BTD: variants seen among roughly 807,000 people sequenced by gnomAD.
BTD encodes the protein biocytinase.
A neutral mutation model predicts 17.7 loss-of-function variants in BTD; 13 were observed. That is an observed-to-expected ratio of 0.74 (90% confidence interval 0.48 to 1.17). BTD has a LOEUF of 1.17. BTD is among the 50% of genes most tolerant of loss of function. The pLI, the probability that BTD is intolerant of heterozygous loss-of-function variation, is 0.00. For synonymous variants in BTD, 240 were observed against 245.2 expected, an observed-to-expected ratio of 0.98 and a Z score of 0.20; for missense variants, 674 against 650.4, an observed-to-expected ratio of 1.04 and a Z score of -0.39.
chr3:15,657,117 G>T (rs1439718706), downstream of BTD, among the ~76,000 whole-genome samples: 1 of 152,164 alleles, frequency 6.6e-6, no homozygotes, highest in Non-Finnish European at 1.5e-5. Context: ...GACATCTCAG[G>T]TTTCCCAGAC....
chr3:15,621,384 C>A (rs1293862273), intron 1 of BTD, among the ~76,000 whole-genome samples: 5 of 152,182 alleles, frequency 3.3e-5, no homozygotes, highest in Non-Finnish European at 7.3e-5. Flanking sequence ...CCCTCTGTTT[C>A]TGTCTTCTGG....
exon 4 of BTD, among the ~76,000 whole-genome samples, chr3:15,712,616 C>T (rs1280596664): frequency 6.6e-6 from 1 of 152,200 alleles, no homozygotes; most frequent in Non-Finnish European, 1.5e-5. Context: ...AAATTCACTA[C>T]CCTGTCACCC....
chr3:15,607,110 C>T (rs1327816835), intron 1 of BTD, among the ~76,000 whole-genome samples: 1 of 152,034 alleles, frequency 6.6e-6, no homozygotes, highest in Non-Finnish European at 1.5e-5. Flanking sequence ...CTCAGAGGCC[C>T]TCTGTGCATA....
exon 4 of BTD, chr3:15,712,240 G>C: frequency 6.5e-7 from 1 of 1,542,076 alleles, no homozygotes. Flanking sequence ...TAATAGAACA[G>C]GACAGTATCT....
At chr3:15,712,225 A>C in exon 4 of BTD, 1 of 1,572,454 alleles carries the variant, frequency 6.4e-7, no homozygotes, top group Non-Finnish European at 8.6e-7. Context: ...TGCCACGCCT[A>C]AAGTTAATAG....
intron 3 of BTD, among the ~76,000 whole-genome samples, chr3:15,691,103 A>C (rs977711189): frequency 5.9e-5 from 9 of 152,014 alleles, no homozygotes; most frequent in African/African-American, 2.2e-4. Context: ...GTAAGACTGA[A>C]GATTTGTCAG....
At chr3:15,640,337 C>T (rs774541282) in intron 2 of BTD, among the ~76,000 whole-genome samples, 5 of 151,772 alleles carry the variant, frequency 3.3e-5, no homozygotes, top group Non-Finnish European at 7.4e-5. Context: ...TAAATTATGG[C>T]GTCCTCTTAA....
At chr3:15,630,742 T>C (rs966363255) in intron 1 of BTD, among the ~76,000 whole-genome samples, 4 of 152,204 alleles carry the variant, frequency 2.6e-5, no homozygotes, top group Admixed American at 2.6e-4. Flanking sequence ...CATATTAGCT[T>C]GATAACTTAT....
At chr3:15,654,142 C>G (rs73817042), downstream of BTD, among the ~76,000 whole-genome samples, 5,622 of 152,242 alleles carry the variant, frequency 0.037, 278 homozygotes, top group African/African-American at 0.11. Flanking sequence ...TTTTATTTTT[C>G]CAAATGGCTA....
chr3:15,681,455 G>A (rs2067538009), intron 3 of BTD, among the ~76,000 whole-genome samples: 1 of 152,076 alleles, frequency 6.6e-6, no homozygotes, highest in Admixed American at 6.5e-5. Context: ...TCCAGAGCCA[G>A]GGTTTTAATT....
At chr3:15,694,678 G>T (rs1444734870) in intron 3 of BTD, 4 of 1,429,950 alleles carry the variant, frequency 2.8e-6, no homozygotes, top group East Asian at 4.5e-5. Flanking sequence ...AACACAAATA[G>T]GTTATTAGAT....
Position 15,616,641 on chromosome 3 carries a change from T to C in BTD, c.-17+14747T>C, listed in dbSNP as rs77667571. Among the ~76,000 whole-genome samples the C allele has an allele frequency of 6.6e-3, 1,000 of 152,174 alleles. 9 individuals carry two copies. The highest frequency in any genetic ancestry group is 0.023 in the African/African-American group (949 of 41,508). On this transcript the variant is annotated intron_variant, in intron 1 of 3. Transcript: ENST00000643237. The stretch of plus-strand genomic sequence containing the variant: ...TCAAAAAAAAAAAGTTTTGTTTTTT[T>C]CCTTTCACCAAACTAAGCATTTAGT...
At chr3:15,625,564 C>T (rs989833902) in intron 1 of BTD, among the ~76,000 whole-genome samples, 7 of 151,112 alleles carry the variant, frequency 4.6e-5, no homozygotes, top group Admixed American at 4.0e-4. Flanking sequence ...TTTGTTTTTT[C>T]TGTTTGTTTT....
intron 2 of BTD, among the ~76,000 whole-genome samples, chr3:15,641,216 G>A (rs561021260): frequency 6.6e-5 from 10 of 152,314 alleles, no homozygotes; most frequent in East Asian, 5.8e-4. Flanking sequence ...TCAGAGTCCC[G>A]AAGGGAGCCT....
rs189300919 is a variant in BTD, at chr3:15,708,962, C to T, written c.400-1098C>T. 6.6e-5 allele frequency among the ~76,000 whole-genome samples: 10 copies of T among 152,278 alleles called. No individual in the cohort carries two copies. The East Asian group carries it at 1.9e-3, about 29-fold the overall frequency. ...ACACACACAGTTTTGCTTATACTGTCATCTCTTTCAAACCAATTCCAACTG... is the reference window on the plus strand; with the variant it reads ...ACACACACAGTTTTGCTTATACTGTTATCTCTTTCAAACCAATTCCAACTG... On this transcript the variant is annotated intron_variant, in intron 3 of 3. Coordinates refer to the BTD transcript ENST00000672141.
chr3:15,702,248 T>C (rs2070728135), intron 3 of BTD, among the ~76,000 whole-genome samples: 3 of 152,218 alleles, frequency 2.0e-5, no homozygotes, highest in Non-Finnish European at 2.9e-5. Context: ...CACAAAGCTT[T>C]AGAACAGTGG....
At chr3:15,642,317 A>G in intron 3 of BTD, 1 of 1,357,422 alleles carries the variant, frequency 7.4e-7, no homozygotes, top group Admixed American at 3.0e-5. Context: ...AACCAAACCA[A>G]AAGTAAAAAA....
chr3:15,620,768 G>T (rs1376476242), intron 1 of BTD, among the ~76,000 whole-genome samples: 3 of 152,254 alleles, frequency 2.0e-5, no homozygotes, highest in Non-Finnish European at 4.4e-5. Context: ...AGCTCCAGCT[G>T]GTCCCTCCAT....
In BTD at chr3:15,635,653, A is replaced by G. The variant is rs781758639; in HGVS notation, c.214A>G (p.Ile72Val). Reference protein sequence around the residue: ...ALELMNQNLDIYEQQVMTAAQ... With the variant: ...ALELMNQNLDVYEQQVMTAAQ... ...GGAGCTCATGAACCAGAACCTTGAC[A>G]TCTATGAACAGCAAGTGATGACTGC... The change falls in exon 2 of 4, where the codon ATC becomes GTC. Residue 72 changes from isoleucine to valine, a missense_variant. Transcript: ENST00000643237. This position sits in a 1 kb window ranked among gnomAD's most constrained non-coding sequence, Gnocchi z 4.1. The G allele has an allele frequency of 3.1e-6, 5 of 1,614,224 alleles. No homozygotes were observed. Among genetic ancestry groups the G allele is most frequent in the Admixed American group, 1.7e-5 (1 of 60,018 alleles).
Sources: allele counts gnomAD v4.1 joint callset (sites outside exome capture counted in the v4.1 genomes callset), GRCh38; gene constraint gnomAD v4.1.1; non-coding constraint Gnocchi (gnomAD v3.1); transcripts MANE v1.5; gene names NCBI Gene and HGNC (gene_info 2026-07-23, HGNC 2026-07-21).